The following SEMA3E variants were observed in gnomAD, a reference collection of about 807,000 sequenced individuals.
The protein encoded by SEMA3E is semaphorin 3E, also known as semaphorin-3E.
In SEMA3E, 49 loss-of-function variants were observed where a neutral mutation model predicts 93.6. That is an observed-to-expected ratio of 0.52 (90% CI 0.42 to 0.66). The LOEUF (loss-of-function observed/expected upper bound fraction) is 0.66, where lower values mean the gene tolerates loss of function less well. Among genes scored for constraint, SEMA3E ranks in the 30% least tolerant of loss-of-function variants. The pLI is 0.00. For missense variants in SEMA3E, 906 were observed against 964.8 expected (o/e 0.94, Z 0.81); for synonymous variants, 363 against 330.7 (o/e 1.10, Z -1.06).
intron 1 of SEMA3E, among the ~76,000 whole-genome samples, chr7:83,574,544 G>GTATCT (rs565419099): frequency 0.13 from 19,868 of 151,792 alleles, 1,538 homozygotes; most frequent in African/African-American, 0.2. Context: ...TGTACTTTTG[G>GTATCT]GTACTCTTTA....
At chr7:83,640,019 T>C (rs1352403288) in intron 1 of SEMA3E, among the ~76,000 whole-genome samples, 1 of 152,098 alleles carries the variant, frequency 6.6e-6, no homozygotes, top group Non-Finnish European at 1.5e-5. Flanking sequence ...AGAGTACATT[T>C]CCTATTTGAC....
chr7:83,424,644 C>T (rs1788734393), intron 4 of SEMA3E, among the ~76,000 whole-genome samples: 1 of 152,100 alleles, frequency 6.6e-6, no homozygotes, highest in African/African-American at 2.4e-5. Flanking sequence ...TGTCATAATC[C>T]TGGAACCTGT....
chr7:83,567,225 G>T (rs553358488), intron 1 of SEMA3E, among the ~76,000 whole-genome samples: 1 of 152,096 alleles, frequency 6.6e-6, no homozygotes, highest in Non-Finnish European at 1.5e-5. Context: ...AATCCTAAAC[G>T]TATATGTGCC....
chr7:83,637,645 C>T (rs1793906403), intron 1 of SEMA3E, among the ~76,000 whole-genome samples: 1 of 152,212 alleles, frequency 6.6e-6, no homozygotes, highest in South Asian at 2.1e-4. Flanking sequence ...TTTTGCTCTG[C>T]ACTTCTTCTG....
intron 2 of SEMA3E, among the ~76,000 whole-genome samples, chr7:83,482,653 GAC>G (rs1192333070): frequency 6.7e-6 from 1 of 149,702 alleles, no homozygotes; most frequent in Non-Finnish European, 1.5e-5. Flanking sequence ...ATTAGCAACA[GAC>G]ACACTTTCAC....
At position 83,502,604 on chromosome 7, in the gene SEMA3E, C is replaced by T. The variant is rs139638470; in HGVS notation, c.116-12330G>A. On this transcript the variant is annotated intron_variant, in intron 1 of 16. Transcript: ENST00000643230. ...CTCCCAGTCTTAAGAAATAAATAAG[C>T]CTTCCCAGTGTTAAGAAATCTAAAG... is the stretch of plus-strand genomic sequence containing the variant. 6.2e-3 allele frequency among the ~76,000 whole-genome samples: 942 copies of T among 152,278 alleles called. 5 individuals are homozygous for T. Among genetic ancestry groups the T allele is most frequent in the Non-Finnish European group, 0.01 (714 of 68,016 alleles).
In SEMA3E at chr7:83,462,314, A is replaced by G. The variant is rs537942822; in HGVS notation, c.456+4168T>C. Among the ~76,000 whole-genome samples, 1,164 of 152,266 alleles carry G rather than the reference A, an allele frequency of 7.6e-3. 14 individuals carry two copies. The highest frequency in any genetic ancestry group is 0.027 in the African/African-American group (1,111 of 41,534). On this transcript the variant is annotated intron_variant, in intron 4 of 16. Transcript: ENST00000643230. ...CTCCATAACTGTTGTGGGTATTGAC[A>G]GCTAGGCTTCTAAACTTCTTAAAAC...
intron 1 of SEMA3E, among the ~76,000 whole-genome samples, chr7:83,600,986 G>T (rs540008497): frequency 6.6e-6 from 1 of 152,280 alleles, no homozygotes; most frequent in Non-Finnish European, 1.5e-5. Context: ...AGTTTATTCT[G>T]CATTATCTGG....
intron 7 of SEMA3E, among the ~76,000 whole-genome samples, chr7:83,406,564 A>G (rs545301630): frequency 7.1e-5 from 8 of 111,946 alleles, no homozygotes; most frequent in Non-Finnish European, 1.1e-4. Flanking sequence ...TTATATGTAA[A>G]TTTATTTTCG....
chr7:83,540,505 T>C (rs768268434), intron 1 of SEMA3E, among the ~76,000 whole-genome samples: 2 of 152,194 alleles, frequency 1.3e-5, no homozygotes, highest in African/African-American at 4.8e-5. Context: ...CTAGAATGCA[T>C]GTACCTATTC....
intron 4 of SEMA3E, chr7:83,424,958 G>T: frequency 3.8e-6 from 1 of 265,850 alleles, no homozygotes; most frequent in South Asian, 5.4e-5. Context: ...AGTCTCCAGT[G>T]ACAATGTAGC....
chr7:83,523,809 G>A (rs1052593760), intron 1 of SEMA3E, among the ~76,000 whole-genome samples: 9 of 151,850 alleles, frequency 5.9e-5, no homozygotes, highest in African/African-American at 1.7e-4. Context: ...TAATATACAC[G>A]TATTTTTCTT....
intron 1 of SEMA3E, among the ~76,000 whole-genome samples, chr7:83,556,218 G>A (rs1418374981): frequency 2.0e-5 from 3 of 151,956 alleles, no homozygotes; most frequent in Admixed American, 6.6e-5. Context: ...ACTTACCTTC[G>A]CTTTTTGAGA....
chr7:83,422,299 T>C (rs1788682672), intron 4 of SEMA3E, among the ~76,000 whole-genome samples: 2 of 152,208 alleles, frequency 1.3e-5, no homozygotes, highest in Admixed American at 1.3e-4. Flanking sequence ...TTATAGCTAC[T>C]ATACACCAAT....
chr7:83,547,146 G>T (rs1254276690), intron 1 of SEMA3E, among the ~76,000 whole-genome samples: 1 of 152,038 alleles, frequency 6.6e-6, no homozygotes, highest in Non-Finnish European at 1.5e-5. Context: ...TTAGAATACT[G>T]ATTTAACATC....
chr7:83,637,065 A>G (rs1793896126), intron 1 of SEMA3E, among the ~76,000 whole-genome samples: 1 of 147,652 alleles, frequency 6.8e-6, no homozygotes, highest in Admixed American at 6.8e-5. Context: ...TGTGTGTGAA[A>G]CTTCTTATTT....
chr7:83,485,590 G>A (rs570332461), intron 2 of SEMA3E, among the ~76,000 whole-genome samples: 6 of 151,938 alleles, frequency 3.9e-5, no homozygotes, highest in South Asian at 2.1e-4. Flanking sequence ...ACACACCATC[G>A]TATATGATTT....
At position 83,405,509 on chromosome 7, in the gene SEMA3E, A is replaced by T. The variant is rs753585356; in HGVS notation, c.939T>A (p.Phe313Leu). The change falls in exon 9 of 17, where the codon TTT becomes TTA. Residue 313 changes from phenylalanine to leucine, a missense_variant. Physicochemically the swap from Phe to Leu is conservative, Grantham distance 22. Coordinates refer to ENST00000643230, the MANE Select transcript of SEMA3E (RefSeq NM_012431.3). ...TCTTATGATCTCTGGTAGGTAGCAA[A>T]AAAACGTCCTCTGAAAAATTAAAGG... ...DTYFDELEDVFLLPTRDHKNP... is the reference protein window; with the variant it reads ...DTYFDELEDVLLLPTRDHKNP... 2 of 1,612,924 alleles carry T rather than the reference A, an allele frequency of 1.2e-6. No individual in the cohort carries two copies. Among genetic ancestry groups the T allele is most frequent in the African/African-American group, 1.3e-5 (1 of 74,886 alleles).
chr7:83,381,471 C>A (rs1308674465), intron 16 of SEMA3E, among the ~76,000 whole-genome samples: 2 of 151,896 alleles, frequency 1.3e-5, no homozygotes, highest in Non-Finnish European at 2.9e-5. Flanking sequence ...TTTATGGTGA[C>A]CTTCTTAGTG....
Sources: gnomAD v4.1 joint callset for allele counts (sites outside exome capture counted in the v4.1 genomes callset) on GRCh38, gnomAD v4.1.1 for gene constraint, MANE v1.5 for transcripts, NCBI Gene and HGNC (gene_info 2026-07-23, HGNC 2026-07-21) for gene names.